Variants in ITCH observed in about 807,000 individuals in gnomAD.
ITCH encodes the protein itchy E3 ubiquitin protein ligase, also known as E3 ubiquitin-protein ligase Itchy homolog.
Under a neutral mutation model 126.8 loss-of-function variants are expected in ITCH, and 28 were observed. The ratio of observed to expected loss-of-function variants is 0.22; its 90% CI spans 0.16 to 0.30. ITCH has a LOEUF of 0.30. Ranked by LOEUF, ITCH falls within the 10% of genes least tolerant of loss-of-function variation. The pLI, the probability that ITCH is intolerant of heterozygous loss-of-function variation, is 1.00. For synonymous variants in ITCH, 342 were observed against 340.0 expected (o/e 1.01, Z -0.06); for missense variants, 631 against 1,032.4 (o/e 0.61, Z 5.33).
At chr20:34,368,012 T>C (rs980889458) in intron 1 of ITCH, among the ~76,000 whole-genome samples, 1 of 152,192 alleles carries the variant, frequency 6.6e-6, no homozygotes, top group Non-Finnish European at 1.5e-5. Flanking sequence ...GGCTCATGCC[T>C]GTAATCCCAG....
intron 13 of ITCH, among the ~76,000 whole-genome samples, chr20:34,458,260 C>T (rs1986205907): frequency 6.6e-6 from 1 of 152,092 alleles, no homozygotes; most frequent in Admixed American, 6.5e-5. Context: ...AAAAAATATT[C>T]TGTTGTTGTT....
intron 23 of ITCH, among the ~76,000 whole-genome samples, chr20:34,493,392 A>G (rs1029715545): frequency 3.9e-5 from 6 of 152,246 alleles, no homozygotes; most frequent in African/African-American, 1.4e-4. Flanking sequence ...AACTTGCTCA[A>G]GCTGCATTTA....
intron 14 of ITCH, among the ~76,000 whole-genome samples, chr20:34,469,222 AACACACACAC>A (rs34998924): frequency 6.7e-5 from 10 of 149,238 alleles, no homozygotes; most frequent in South Asian, 2.1e-4. Context: ...GCAAATTATA[AACACACACAC>A]ACACACACAC....
chr20:34,398,254 C>T (rs1053656570), intron 3 of ITCH, among the ~76,000 whole-genome samples: 4 of 151,626 alleles, frequency 2.6e-5, no homozygotes, highest in Admixed American at 1.3e-4. Flanking sequence ...ATAGAGATGG[C>T]GTTTTGCTCT....
chr20:34,386,047 C>T (rs769414642), intron 2 of ITCH, among the ~76,000 whole-genome samples: 2 of 152,022 alleles, frequency 1.3e-5, no homozygotes, highest in Non-Finnish European at 1.5e-5. Context: ...AACTTTTATT[C>T]CTTCTACCAA....
intron 2 of ITCH, 132 bp from the exon 3 acceptor site, chr20:34,393,659 T>TG (rs2038564656): frequency 1.4e-6 from 1 of 711,418 alleles, no homozygotes; most frequent in South Asian, 1.5e-5. Flanking sequence ...AGACTAGAAT[T>TG]GAAAATTGTG....
intron 2 of ITCH, among the ~76,000 whole-genome samples, chr20:34,375,617 A>G (rs372180368): frequency 6.8e-6 from 1 of 147,142 alleles, no homozygotes. Flanking sequence ...ATAAATATAT[A>G]CCTTTTTTGT....
intron 15 of ITCH, among the ~76,000 whole-genome samples, chr20:34,470,615 C>A (rs1355988141): frequency 2.0e-5 from 3 of 152,090 alleles, no homozygotes; most frequent in Non-Finnish European, 4.4e-5. Flanking sequence ...TTTTCTGAGA[C>A]AGGATCTCAC....
intron 22 of ITCH, among the ~76,000 whole-genome samples, chr20:34,491,816 A>G (rs1989536826): frequency 6.6e-6 from 1 of 152,236 alleles, no homozygotes; most frequent in Non-Finnish European, 1.5e-5. Context: ...AATTCTAGCT[A>G]TGTGTAGCTA....
chr20:34,421,395 G>A (rs1980744464), intron 6 of ITCH, among the ~76,000 whole-genome samples: 1 of 152,182 alleles, frequency 6.6e-6, no homozygotes, highest in African/African-American at 2.4e-5. Context: ...TCATTTTGAC[G>A]AGCTTACTGA....
chr20:34,426,405 G>A (rs6088494), intron 7 of ITCH, among the ~76,000 whole-genome samples: 2 of 151,978 alleles, frequency 1.3e-5, no homozygotes, highest in Non-Finnish European at 2.9e-5. Context: ...TATTGTATTA[G>A]TCTATCTGCA....
chr20:34,382,700 G>A (rs1033898893), intron 2 of ITCH, among the ~76,000 whole-genome samples: 4 of 149,402 alleles, frequency 2.7e-5, no homozygotes, highest in African/African-American at 4.9e-5. Context: ...GAGCCACCAC[G>A]CTCAGCCAAT....
intron 6 of ITCH, among the ~76,000 whole-genome samples, chr20:34,415,345 GC>G (rs1212986008): frequency 6.6e-6 from 1 of 151,858 alleles, no homozygotes; most frequent in African/African-American, 2.4e-5. Flanking sequence ...GGTTACTTGA[GC>G]CCAGGAGTTC....
At chr20:34,477,960 A>G (rs1988388995) in intron 17 of ITCH, 100 bp downstream of exon 17, 2 of 1,466,318 alleles carry the variant, frequency 1.4e-6, no homozygotes, top group Admixed American at 1.9e-5. Context: ...TATTTTAGGA[A>G]AATGAAATAT....
intron 16 of ITCH, among the ~76,000 whole-genome samples, chr20:34,472,281 CACCTGA>C (rs1171543164): frequency 4.7e-5 from 7 of 150,358 alleles, no homozygotes; most frequent in Non-Finnish European, 5.9e-5. Context: ...TCAGGAGAGT[CACCTGA>C]ACCTGGGAGG....
intron 7 of ITCH, among the ~76,000 whole-genome samples, chr20:34,435,416 A>T (rs1233394307): frequency 6.6e-6 from 1 of 152,028 alleles, no homozygotes; most frequent in Non-Finnish European, 1.5e-5. Context: ...TGATCTGTCC[A>T]CCTTGGCCTC....
Position 34,408,799 on chromosome 20 carries a change from T to C in ITCH, c.212+7T>C. The C allele has an allele frequency of 6.2e-7, 1 of 1,613,460 alleles. No homozygotes were observed. The highest frequency in any genetic ancestry group is 8.5e-7 in the Non-Finnish European group (1 of 1,179,634). ...GGAAGCAACCCCTTACAGTGTAAGC[T>C]TGGAAGTATTTTTCTGTAGTATGTT... On this transcript the variant is annotated splice_region_variant and intron_variant, in intron 4 of 24. Transcript: ENST00000374864.
At chr20:34,480,482 G>C (rs578145889) in intron 18 of ITCH, 117 bp from the exon 19 acceptor site, 1 of 1,245,250 alleles carries the variant, frequency 8.0e-7, no homozygotes, top group African/African-American at 1.5e-5. Flanking sequence ...GATTACAGGC[G>C]TGAGCCACCA....
In ITCH at chr20:34,470,098, A is replaced by G; in HGVS notation, c.1475A>G (p.Gln492Arg). 2 of 1,613,936 alleles carry G rather than the reference A, an allele frequency of 1.2e-6. No homozygotes were observed. The highest frequency in any genetic ancestry group is 1.1e-5 in the South Asian group (1 of 91,082). Residue 492 changes from glutamine to arginine, a missense_variant, in exon 15 of 25, where the codon CAG (glutamine) becomes CGG (arginine). Transcript: ENST00000374864. ...AYVRDFKAKV[Q>R]YFRFWCQQLA... ...GTTCGGGACTTCAAAGCAAAGGTTC[A>G]GTATTTCCGGTTCTGGTGTCAGGTT...
Sources: gnomAD v4.1 joint callset for allele counts (sites outside exome capture counted in the v4.1 genomes callset) on GRCh38, gnomAD v4.1.1 for gene constraint, MANE v1.5 for transcripts, NCBI Gene and HGNC (gene_info 2026-07-23, HGNC 2026-07-21) for gene names.